Variants in C10orf67 observed in about 807,000 individuals in gnomAD.
The protein encoded by C10orf67 is chromosome 10 open reading frame 67.
A neutral mutation model predicts 35.6 loss-of-function variants in C10orf67; 60 were observed. The observed-to-expected ratio is 1.68, with a 90% CI of 1.37 to 2.09. The LOEUF (loss-of-function observed/expected upper bound fraction) is 2.09. Among genes scored for constraint, C10orf67 ranks in the 30% most tolerant of loss-of-function variants. C10orf67 has a pLI of 0.00. For synonymous variants in C10orf67, 167 were observed against 115.8 expected, an observed-to-expected ratio of 1.44 and a Z score of -2.84; for missense variants, 474 against 330.2, an observed-to-expected ratio of 1.44 and a Z score of -3.38.
At chr10:23,312,359 G>A (rs1278203392) in intron 4 of C10orf67, among the ~76,000 whole-genome samples, 2 of 152,146 alleles carry the variant, frequency 1.3e-5, no homozygotes, top group African/African-American at 4.8e-5. Flanking sequence ...AATGAAGGAA[G>A]CCCCTACCAG....
At chr10:23,229,380 C>T (rs1841840592) in intron 13 of C10orf67, among the ~76,000 whole-genome samples, 1 of 134,138 alleles carries the variant, frequency 7.5e-6, no homozygotes. Context: ...GGGAATTGAA[C>T]AATGAGAACA....
At chr10:23,286,407 AGG>A in intron 7 of C10orf67, among the ~76,000 whole-genome samples, 1 of 32,986 alleles carries the variant, frequency 3.0e-5, no homozygotes, top group African/African-American at 1.3e-4. Flanking sequence ...ATAGAAGGGA[AGG>A]GGAGGGGAGG....
chr10:23,273,498 A>C (rs1843088434), intron 8 of C10orf67, among the ~76,000 whole-genome samples: 2 of 152,198 alleles, frequency 1.3e-5, no homozygotes, highest in South Asian at 4.1e-4. Context: ...AAGGCCTTAA[A>C]AAATCTCATT....
chr10:23,289,905 G>T lies in C10orf67; in HGVS notation c.904C>A (p.Gln302Lys). Residue 302 changes from glutamine (Q) to lysine (K), a missense_variant, in exon 7 of 16, where the codon CAA becomes AAA. By Grantham distance (53) the Gln-to-Lys change is moderately conservative. Coordinates refer to ENST00000636213, the MANE Select transcript of C10orf67 (RefSeq NM_001371909.1). ...EMAEKDHKTI[Q>K]KLMDSRDRLR... ...AACGTAAAACGTTATAGTACCTTTTGAATAGTTTTGTGATCCTTTTCTGCC... is the reference window on the plus strand; with the variant it reads ...AACGTAAAACGTTATAGTACCTTTTTAATAGTTTTGTGATCCTTTTCTGCC... The T allele has an allele frequency of 1.4e-6, 1 of 716,746 alleles. No homozygotes were observed. Among genetic ancestry groups the T allele is most frequent in the South Asian group, 1.5e-5 (1 of 67,342 alleles). 44.4% of individuals were successfully genotyped at this position (716,746 alleles called of 1,614,324 possible).
intron 15 of C10orf67, among the ~76,000 whole-genome samples, chr10:23,219,613 G>A (rs1360631312): frequency 2.6e-5 from 4 of 152,034 alleles, no homozygotes; most frequent in Non-Finnish European, 5.9e-5. Flanking sequence ...TCCCCTTAGA[G>A]TAACAAGGAT....
chr10:23,222,780 C>A (rs1478053428), intron 15 of C10orf67, among the ~76,000 whole-genome samples: 7 of 152,122 alleles, frequency 4.6e-5, no homozygotes, highest in Non-Finnish European at 7.4e-5. Context: ...TGTAAAAAAA[C>A]CAACCAATCA....
intron 5 of C10orf67, among the ~76,000 whole-genome samples, chr10:23,295,057 G>C (rs990414442): frequency 1.3e-5 from 2 of 152,218 alleles, no homozygotes; most frequent in African/African-American, 4.8e-5. Context: ...GAGCAGAGCA[G>C]TCAGGAGGGG....
chr10:23,273,836 T>A (rs1843100146), intron 8 of C10orf67, among the ~76,000 whole-genome samples: 1 of 152,208 alleles, frequency 6.6e-6, no homozygotes, highest in Non-Finnish European at 1.5e-5. Context: ...TAAATATTGT[T>A]GGAAAACTTG....
chr10:23,225,434 A>G lies in C10orf67; in HGVS notation c.1435-1616T>C, dbSNP rs570281374. ...AAAAACATGCCAAATTGTAAAGACC[A>G]TTAAGGCTAGGAAGAAACTGCATCA... On this transcript the variant is annotated intron_variant, in intron 13 of 15. Coordinates refer to ENST00000636213, the MANE Select transcript of C10orf67 (RefSeq NM_001371909.1). Among the ~76,000 whole-genome samples, 76 of 152,324 alleles carry G rather than the reference A, an allele frequency of 5.0e-4. 1 individual carries two copies. Among genetic ancestry groups the G allele is most frequent in the African/African-American group, 1.8e-3 (74 of 41,580 alleles).
intron 1 of C10orf67, among the ~76,000 whole-genome samples, chr10:23,339,143 G>A (rs563429224): frequency 3.9e-5 from 6 of 152,262 alleles, no homozygotes; most frequent in South Asian, 2.1e-4. Flanking sequence ...AATGTTTCCA[G>A]CAGAAAACAT....
At chr10:23,289,408 C>G (rs1002155520) in intron 7 of C10orf67, among the ~76,000 whole-genome samples, 2 of 152,156 alleles carry the variant, frequency 1.3e-5, no homozygotes, top group African/African-American at 2.4e-5. Flanking sequence ...AGAAGATTCT[C>G]CAACCTTGGC....
At chr10:23,312,019 G>C (rs1318440261) in intron 4 of C10orf67, among the ~76,000 whole-genome samples, 1 of 152,022 alleles carries the variant, frequency 6.6e-6, no homozygotes, top group Non-Finnish European at 1.5e-5. Context: ...TTATAATAGA[G>C]ATATTAACTT....
intron 2 of C10orf67, among the ~76,000 whole-genome samples, chr10:23,323,693 C>T (rs1341130418): frequency 1.3e-5 from 2 of 150,510 alleles, no homozygotes; most frequent in Non-Finnish European, 3.0e-5. Flanking sequence ...GACAGATCAC[C>T]TGAAGTCAGG....
chr10:23,333,021 C>T (rs1387712723), intron 2 of C10orf67, 41 bp downstream of exon 2: 2 of 1,591,822 alleles, frequency 1.3e-6, no homozygotes, highest in East Asian at 2.2e-5. Context: ...CAATTAACGC[C>T]AAAAATTATC....
intron 2 of C10orf67, among the ~76,000 whole-genome samples, chr10:23,323,598 T>C (rs1230785333): frequency 1.3e-5 from 2 of 152,006 alleles, no homozygotes; most frequent in African/African-American, 2.4e-5. Context: ...TCGCTACAAA[T>C]ACAGCCTCAG....
intron 8 of C10orf67, among the ~76,000 whole-genome samples, chr10:23,272,500 A>G (rs1036845203): frequency 3.3e-5 from 5 of 152,246 alleles, no homozygotes; most frequent in Admixed American, 2.0e-4. Flanking sequence ...TTCATTATAT[A>G]TGATCCATAA....
intron 13 of C10orf67, among the ~76,000 whole-genome samples, chr10:23,224,088 G>A (rs950992696): frequency 3.9e-5 from 6 of 152,134 alleles, no homozygotes; most frequent in African/African-American, 1.2e-4. Flanking sequence ...CCCTACAATT[G>A]AGACTTACTA....
At chr10:23,208,702 G>C (rs900365872) in intron 15 of C10orf67, among the ~76,000 whole-genome samples, 18 of 152,340 alleles carry the variant, frequency 1.2e-4, no homozygotes, top group Admixed American at 2.6e-4. Flanking sequence ...AGAAGGCTAA[G>C]TAGTGTGTTC....
chr10:23,322,425 C>T lies in C10orf67; in HGVS notation c.440G>A (p.Arg147Lys). 1 of 1,609,020 alleles carries T rather than the reference C, an allele frequency of 6.2e-7. No individual in the cohort carries two copies. Among genetic ancestry groups the T allele is most frequent in the Non-Finnish European group, 8.5e-7 (1 of 1,175,708 alleles). ...ATAATGCTTTTCAATTTCTAGGATC[C>T]TGTCATGCAGAATGGTGAAGAGACT... ...SLSLFTILHD[R>K]ILEIEKHYQQ... Residue 147 changes from arginine to lysine, a missense_variant, in exon 3 of 16, where the codon AGG becomes AAG. Physicochemically the swap from Arg to Lys is conservative, Grantham distance 26. Transcript: ENST00000636213.
Sources: allele counts gnomAD v4.1 joint callset (sites outside exome capture counted in the v4.1 genomes callset), GRCh38; gene constraint gnomAD v4.1.1; transcripts MANE v1.5; gene names NCBI Gene and HGNC (gene_info 2026-07-23, HGNC 2026-07-21).